The following PTGES3 variants were observed in gnomAD, a reference collection of about 807,000 sequenced individuals.
PTGES3 encodes the protein prostaglandin E synthase 3, also known as Hsp90 co-chaperone.
A neutral mutation model predicts 29.9 loss-of-function variants in PTGES3; 5 were observed. The ratio of observed to expected loss-of-function variants is 0.17; its 90% CI spans 0.09 to 0.35. The LOEUF (loss-of-function observed/expected upper bound fraction) is 0.35. PTGES3 is among the 10% of genes least tolerant of loss of function. The pLI, the probability that PTGES3 is intolerant of heterozygous loss-of-function variation, is 1.00. For synonymous variants in PTGES3, 49 were observed against 57.8 expected, an observed-to-expected ratio of 0.85 and a Z score of 0.69; for missense variants, 128 against 190.0, an observed-to-expected ratio of 0.67 and a Z score of 1.92.
At position 56,664,141 on chromosome 12, in the gene PTGES3, T is replaced by A. The variant is rs1951707689; in HGVS notation, c.*338A>T. On this transcript the variant is annotated 3_prime_UTR_variant, in exon 8 of 8. Coordinates refer to ENST00000262033, the MANE Select transcript of PTGES3 (RefSeq NM_006601.7). ...CCTAAGCTGAGAGCTTCCTATCATG[T>A]CAGTATCTATGTTATGAAGAAAAGG... The A allele has an allele frequency of 5.1e-6, 1 of 196,264 alleles. No homozygotes were observed. Among genetic ancestry groups the A allele is most frequent in the South Asian group, 8.8e-5 (1 of 11,352 alleles). The allele number at this position is 196,264 out of a possible 1,614,324, so 12.2% of individuals were successfully genotyped here. A position where few individuals can be genotyped will look rare whatever the true frequency, so the allele number is the denominator to read the frequency against.
At chr12:56,670,726 C>T (rs114016874) in intron 4 of PTGES3, 1 of 191,200 alleles carries the variant, frequency 5.2e-6, no homozygotes, top group Admixed American at 5.4e-5. Context: ...CTACAACAGG[C>T]ACATGCTACT....
At chr12:56,679,639 A>G (rs1378812112) in intron 1 of PTGES3, among the ~76,000 whole-genome samples, 1 of 152,108 alleles carries the variant, frequency 6.6e-6, no homozygotes, top group Non-Finnish European at 1.5e-5. Context: ...GCTAAAGTTA[A>G]AGCTAAACTC....
At chr12:56,675,848 A>G (rs1395398325) in intron 1 of PTGES3, among the ~76,000 whole-genome samples, 1 of 152,092 alleles carries the variant, frequency 6.6e-6, no homozygotes, top group Non-Finnish European at 1.5e-5. Flanking sequence ...GCTTGAAATA[A>G]GGAGGTGGAG....
intron 5 of PTGES3, among the ~76,000 whole-genome samples, chr12:56,667,878 C>A (rs530680319): frequency 2.0e-5 from 3 of 152,132 alleles, no homozygotes; most frequent in African/African-American, 7.2e-5. Flanking sequence ...GAGGCCAAGG[C>A]GGGTGGATCA....
At chr12:56,687,313 A>T in intron 1 of PTGES3, 1 of 989,960 alleles carries the variant, frequency 1.0e-6, no homozygotes, top group Non-Finnish European at 1.2e-6. Flanking sequence ...GTGCGGAACT[A>T]CCTGCTCAAT....
rs773892741 is a variant in PTGES3, at chr12:56,687,990, G to A, written c.2+8C>T. 8 of 1,597,272 alleles carry A rather than the reference G, an allele frequency of 5.0e-6. No individual in the cohort carries two copies. The highest frequency in any genetic ancestry group is 4.7e-5 in the East Asian group (2 of 42,996). On this transcript the variant is annotated splice_region_variant and intron_variant, in intron 1 of 7. Coordinates refer to ENST00000262033, the MANE Select transcript of PTGES3 (RefSeq NM_006601.7). ...GGCGACCTTCCCTCGGCGGGGTGTCGCACTCACATTGTGAACGGGGCAGGG... is the reference window on the plus strand; with the variant it reads ...GGCGACCTTCCCTCGGCGGGGTGTCACACTCACATTGTGAACGGGGCAGGG...
intron 5 of PTGES3, among the ~76,000 whole-genome samples, chr12:56,667,104 G>T (rs1951820855): frequency 6.7e-6 from 1 of 150,180 alleles, no homozygotes; most frequent in Non-Finnish European, 1.5e-5. Flanking sequence ...ATCTTTGGTA[G>T]AGACAGGGTT....
chr12:56,677,032 T>TC (rs2137663820), intron 1 of PTGES3, among the ~76,000 whole-genome samples: 1 of 150,364 alleles, frequency 6.7e-6, no homozygotes, highest in Admixed American at 6.7e-5. Context: ...TGTCAGGAGT[T>TC]CAAGACCAGC....
chr12:56,667,416 T>C (rs915298403), intron 5 of PTGES3, among the ~76,000 whole-genome samples: 18 of 152,102 alleles, frequency 1.2e-4, no homozygotes, highest in African/African-American at 4.1e-4. Context: ...GATTTTAGAA[T>C]GGGAAAGGAC....
At chr12:56,678,341 C>T (rs748174274) in intron 1 of PTGES3, among the ~76,000 whole-genome samples, 1 of 152,014 alleles carries the variant, frequency 6.6e-6, no homozygotes, top group African/African-American at 2.4e-5. Flanking sequence ...CCAAGCCTGG[C>T]TAATTTTTGT....
At chr12:56,670,765 C>A in intron 4 of PTGES3, 1 of 173,846 alleles carries the variant, frequency 5.8e-6, no homozygotes, top group East Asian at 1.5e-4. Context: ...ATTTTTTGAA[C>A]TGTGACTTTG....
intron 4 of PTGES3, chr12:56,670,607 GACA>G (rs1409315865): frequency 2.1e-6 from 1 of 466,418 alleles, no homozygotes; most frequent in Non-Finnish European, 3.9e-6. Context: ...CGCTTCCTGG[GACA>G]ACACCGTACT....
rs1952173128 is a variant in PTGES3, at chr12:56,675,006, A to AAAAAAG, written c.3-1942_3-1941insCTTTTT. On this transcript the variant is annotated intron_variant, in intron 1 of 7. Coordinates refer to ENST00000262033, the MANE Select transcript of PTGES3 (RefSeq NM_006601.7). ...GCAACAAGAGTGAAACTCGGTCTCA[A>AAAAAAG]AAAAAAAAAAAAAAAAAAAAAGTGC... Among the ~76,000 whole-genome samples, 3 of 130,674 alleles carry AAAAAAG rather than the reference A, an allele frequency of 2.3e-5. 1 individual carries two copies. The highest frequency in any genetic ancestry group is 1.5e-4 in the Admixed American group (2 of 12,972). 85.7% of individuals were successfully genotyped at this position (130,674 alleles called of 152,430 possible). A position where few individuals can be genotyped will look rare whatever the true frequency, so the allele number is the denominator to read the frequency against.
chr12:56,687,442 AGAGGGAAGTAT>A (rs1952929678), intron 1 of PTGES3: 1 of 987,990 alleles, frequency 1.0e-6, no homozygotes, highest in South Asian at 4.6e-5. Context: ...CAGACACTGG[AGAGGGAAGTAT>A]GTTGCGGCGT....
intron 1 of PTGES3, among the ~76,000 whole-genome samples, chr12:56,681,578 G>A (rs1402823497): frequency 4.3e-5 from 6 of 140,390 alleles, no homozygotes; most frequent in Admixed American, 1.5e-4. Flanking sequence ...GCCGGGTGCA[G>A]TGGCTCATGC....
At position 56,687,977 on chromosome 12, in the gene PTGES3, TC is replaced by T; in HGVS notation, c.2+20del. On this transcript the variant is annotated intron_variant, in intron 1 of 7. Transcript: ENST00000262033. ...CTCGGCCTCACTCGGCGACCTTCCC[TC>T]GGCGGGGTGTCGCACTCACATTGTG... 6.2e-7 allele frequency: 1 copy of T among 1,601,106 alleles called. No homozygotes were observed. Among genetic ancestry groups the T allele is most frequent in the Non-Finnish European group, 8.5e-7 (1 of 1,174,826 alleles).
intron 1 of PTGES3, among the ~76,000 whole-genome samples, 180 bp from the exon 2 acceptor site, chr12:56,673,245 A>G (rs1452771832): frequency 6.6e-6 from 1 of 152,176 alleles, no homozygotes; most frequent in East Asian, 1.9e-4. Context: ...AACAAGATTT[A>G]GTTTCAGAAT....
At chr12:56,687,875 G>A in intron 1 of PTGES3, 123 bp downstream of exon 1, 1 of 1,562,762 alleles carries the variant, frequency 6.4e-7, no homozygotes, top group African/African-American at 1.4e-5. Flanking sequence ...TGGACCTCCC[G>A]CCCCCAGGCA....
At chr12:56,680,399 T>G (rs2958126) in intron 1 of PTGES3, among the ~76,000 whole-genome samples, 91,807 of 150,156 alleles carry the variant, frequency 0.61, 29,896 homozygotes, top group South Asian at 0.76. Flanking sequence ...TTTTTTTTTT[T>G]GGGGGGACAG....
Sources: gnomAD v4.1 joint callset for allele counts (sites outside exome capture counted in the v4.1 genomes callset) on GRCh38, gnomAD v4.1.1 for gene constraint, MANE v1.5 for transcripts, NCBI Gene and HGNC (gene_info 2026-07-23, HGNC 2026-07-21) for gene names.